The following PDZD8 variants were observed in gnomAD, a reference collection of about 807,000 sequenced individuals.
The protein encoded by PDZD8 is PDZ domain containing 8.
In PDZD8, 14 loss-of-function variants were observed where a neutral mutation model predicts 85.8. The observed-to-expected ratio is 0.16, with a 90% CI of 0.11 to 0.26. The LOEUF is 0.26. Among genes scored for constraint, PDZD8 ranks in the 10% least tolerant of loss-of-function variants. The probability of loss-of-function intolerance (pLI) is 1.00; values close to 1 mark genes in which losing one functional copy is unlikely to be tolerated. For missense variants in PDZD8, 1,197 were observed against 1,424.3 expected (o/e 0.84, Z 2.57); for synonymous variants, 592 against 568.6 (o/e 1.04, Z -0.59).
chr10:117,368,160 G>T (rs1307046006), intron 1 of PDZD8, among the ~76,000 whole-genome samples: 1 of 152,102 alleles, frequency 6.6e-6, no homozygotes. Context: ...CGCAACACTA[G>T]GTAGTATGCA....
chr10:117,339,225 A>C (rs1393183721), intron 2 of PDZD8, among the ~76,000 whole-genome samples: 2 of 152,120 alleles, frequency 1.3e-5, no homozygotes, highest in Non-Finnish European at 2.9e-5. Context: ...TTAGATATAA[A>C]ATATAACCTG....
At chr10:117,333,210 T>G (rs772332310) in intron 2 of PDZD8, among the ~76,000 whole-genome samples, 1 of 150,056 alleles carries the variant, frequency 6.7e-6, no homozygotes, top group Non-Finnish European at 1.5e-5. Context: ...AAAACTAGAT[T>G]CAAATTCCAG....
At chr10:117,324,300 G>A (rs992525416) in intron 2 of PDZD8, among the ~76,000 whole-genome samples, 1 of 150,488 alleles carries the variant, frequency 6.6e-6, no homozygotes, top group South Asian at 2.1e-4. Flanking sequence ...GGACCTTAGA[G>A]CAAAATAAGA....
chr10:117,333,665 G>A (rs1471242188), intron 2 of PDZD8, among the ~76,000 whole-genome samples: 2 of 152,150 alleles, frequency 1.3e-5, no homozygotes, highest in African/African-American at 4.8e-5. Flanking sequence ...AGCTCCTCTT[G>A]TAAATGAATT....
chr10:117,351,819 C>A (rs1197201824), intron 1 of PDZD8, among the ~76,000 whole-genome samples: 1 of 152,136 alleles, frequency 6.6e-6, no homozygotes, highest in African/African-American at 2.4e-5. Flanking sequence ...TCCCAAGTAG[C>A]TGGCACTACA....
intron 2 of PDZD8, among the ~76,000 whole-genome samples, chr10:117,328,408 TTTATTA>T (rs923489001): frequency 1.1e-5 from 1 of 90,904 alleles, no homozygotes; most frequent in African/African-American, 3.5e-5. Context: ...TCTCTCTTTT[TTTATTA>T]TTATTATTTT....
chr10:117,342,324 A>G (rs1239424953), intron 1 of PDZD8, among the ~76,000 whole-genome samples: 1 of 151,940 alleles, frequency 6.6e-6, no homozygotes, highest in East Asian at 1.9e-4. Context: ...CACCCTACAC[A>G]TTGTCACTAG....
chr10:117,350,984 G>A (rs1844796471), intron 1 of PDZD8, among the ~76,000 whole-genome samples: 1 of 151,948 alleles, frequency 6.6e-6, no homozygotes. Context: ...GGAGGCAATT[G>A]CTGATTTTCA....
chr10:117,344,532 C>T (rs981966504), intron 1 of PDZD8, among the ~76,000 whole-genome samples: 8 of 152,122 alleles, frequency 5.3e-5, no homozygotes, highest in South Asian at 2.1e-4. Context: ...GGACTACAGG[C>T]GCCCACCACC....
intron 2 of PDZD8, among the ~76,000 whole-genome samples, chr10:117,322,459 G>A (rs1310480500): frequency 4.6e-5 from 7 of 152,130 alleles, no homozygotes; most frequent in East Asian, 1.9e-4. Flanking sequence ...TCTGTGCTGT[G>A]AGAAGGCACT....
intron 1 of PDZD8, among the ~76,000 whole-genome samples, chr10:117,344,605 T>A (rs1391036945): frequency 2.0e-5 from 3 of 152,110 alleles, no homozygotes; most frequent in Admixed American, 6.5e-5. Context: ...GCCAGGATGG[T>A]CTCTATCTCC....
intron 1 of PDZD8, among the ~76,000 whole-genome samples, chr10:117,372,852 C>T (rs1379186333): frequency 1.3e-5 from 2 of 152,196 alleles, no homozygotes; most frequent in South Asian, 4.1e-4. Flanking sequence ...TAAGGTACAT[C>T]TGCCACATAC....
rs1392709403 is a variant in PDZD8 at position 117,375,130 on chromosome 10, G to T, written c.98C>A (p.Pro33Gln). Residue 33 changes from proline to glutamine, a missense_variant, in exon 1 of 5, where the codon CCG (proline) becomes CAG (glutamine). This residue lies in a region of PDZD8 where 172 missense variants were observed against 137.8 expected (regional missense o/e 1.25). Transcript: ENST00000334464. ...FFLLYRRQPE[P>Q]PADEAARAGE... ...CGCGCGGGCGGCCTCGTCCGCCGGCGGCTCGGGCTGTCTGCGGTACAGCAG... is the reference window on the plus strand; with the variant it reads ...CGCGCGGGCGGCCTCGTCCGCCGGCTGCTCGGGCTGTCTGCGGTACAGCAG... 1 of 1,591,114 alleles carries T rather than the reference G, an allele frequency of 6.3e-7. No individual in the cohort carries two copies. The highest frequency in any genetic ancestry group is 1.7e-5 in the Admixed American group (1 of 58,818).
At chr10:117,350,420 C>A (rs1844785437) in intron 1 of PDZD8, among the ~76,000 whole-genome samples, 1 of 151,282 alleles carries the variant, frequency 6.6e-6, no homozygotes, top group Non-Finnish European at 1.5e-5. Flanking sequence ...TGCCCACTAC[C>A]ACGTTCGGTT....
At chr10:117,340,183 T>C (rs1055843302) in intron 2 of PDZD8, among the ~76,000 whole-genome samples, 1 of 152,190 alleles carries the variant, frequency 6.6e-6, no homozygotes, top group Admixed American at 6.5e-5. Flanking sequence ...AAGTCTAGTT[T>C]TGCAACTTTC....
At chr10:117,360,565 A>G (rs964074101) in intron 1 of PDZD8, among the ~76,000 whole-genome samples, 2 of 152,082 alleles carry the variant, frequency 1.3e-5, no homozygotes, top group Non-Finnish European at 2.9e-5. Flanking sequence ...ACAACTCATA[A>G]CAAGGTACAG....
intron 3 of PDZD8, among the ~76,000 whole-genome samples, chr10:117,300,427 A>C (rs1054779114): frequency 1.3e-5 from 2 of 152,232 alleles, no homozygotes; most frequent in African/African-American, 2.4e-5. Context: ...GAATATTCTC[A>C]GATTATTCAA....
chr10:117,368,684 A>G (rs766869452), intron 1 of PDZD8, among the ~76,000 whole-genome samples: 23 of 152,128 alleles, frequency 1.5e-4, no homozygotes, highest in Non-Finnish European at 2.9e-4. Flanking sequence ...ATGCTTACAT[A>G]GTTATTAATG....
At chr10:117,365,636 G>A (rs1044565536) in intron 1 of PDZD8, among the ~76,000 whole-genome samples, 2 of 152,010 alleles carry the variant, frequency 1.3e-5, no homozygotes, top group African/African-American at 4.8e-5. Context: ...AATAATTAAC[G>A]TGCATATCAC....
Sources: gnomAD v4.1 joint callset for allele counts (sites outside exome capture counted in the v4.1 genomes callset) on GRCh38, gnomAD v4.1.1 for gene constraint, gnomAD v4.1.1 regional missense constraint, MANE v1.5 for transcripts, NCBI Gene and HGNC (gene_info 2026-07-23, HGNC 2026-07-21) for gene names.